The following RYR2 variants were observed in gnomAD, a reference collection of about 807,000 sequenced individuals.
RYR2 encodes the protein ryanodine receptor 2, also known as cardiac muscle ryanodine receptor-calcium release channel.
A neutral mutation model predicts 601.1 loss-of-function variants in RYR2; 227 were observed. The ratio of observed to expected loss-of-function variants is 0.38; its 90% CI spans 0.34 to 0.42. RYR2 has a LOEUF of 0.42. Ranked by LOEUF, RYR2 falls within the 10% of genes least tolerant of loss-of-function variation. RYR2 has a pLI of 1.00. For synonymous variants in RYR2, 2,223 were observed against 2,175.1 expected (o/e 1.02, Z -0.61); for missense variants, 4,646 against 6,156.5 (o/e 0.75, Z 8.21).
intron 16 of RYR2, among the ~76,000 whole-genome samples, chr1:237,459,211 T>C (rs1473911986): frequency 1.3e-5 from 2 of 152,216 alleles, no homozygotes; most frequent in Non-Finnish European, 2.9e-5. Flanking sequence ...ATAAGATGAA[T>C]TTCTTGGATA....
chr1:237,717,380 T>C lies in RYR2; in HGVS notation c.10494+12T>C. The C allele has an allele frequency of 6.3e-7, 1 of 1,589,738 alleles. No individual in the cohort carries two copies. Among genetic ancestry groups the C allele is most frequent in the Non-Finnish European group, 8.6e-7 (1 of 1,166,268 alleles). On this transcript the variant is annotated intron_variant, in intron 72 of 104. Coordinates refer to ENST00000366574, the MANE Select transcript of RYR2 (RefSeq NM_001035.3). Reference sequence around the variant, plus strand: ...ATCGATTTAGCCTGGTAAGTCTCCTTTTCATCCCAGCGGTAATGATCATCT... The same window carrying C: ...ATCGATTTAGCCTGGTAAGTCTCCTCTTCATCCCAGCGGTAATGATCATCT...
chr1:237,328,493 G>C (rs191410634), intron 2 of RYR2, among the ~76,000 whole-genome samples: 1 of 152,048 alleles, frequency 6.6e-6, no homozygotes, highest in South Asian at 2.1e-4. Flanking sequence ...AGATTTGAGA[G>C]GACTCTTTGC....
chr1:237,151,546 G>A (rs1016059152), intron 1 of RYR2, among the ~76,000 whole-genome samples: 1 of 152,232 alleles, frequency 6.6e-6, no homozygotes, highest in African/African-American at 2.4e-5. Context: ...AAAGATCTAA[G>A]TTAGGAGTTT....
chr1:237,511,368 C>T (rs1296018131), intron 23 of RYR2, among the ~76,000 whole-genome samples: 2 of 150,330 alleles, frequency 1.3e-5, no homozygotes, highest in Non-Finnish European at 3.0e-5. Context: ...CAGGGTAAAC[C>T]TCACTGAGAA....
At chr1:237,374,588 G>A in intron 6 of RYR2, 129 bp from the exon 7 acceptor site, 2 of 720,680 alleles carry the variant, frequency 2.8e-6, no homozygotes, top group African/African-American at 1.7e-5. Context: ...AGCCCAGGAG[G>A]TTGAGGCTGC....
At chr1:237,227,150 C>T (rs577700082) in intron 1 of RYR2, among the ~76,000 whole-genome samples, 11 of 152,040 alleles carry the variant, frequency 7.2e-5, no homozygotes, top group African/African-American at 2.7e-4. Context: ...TTTAGTTAGA[C>T]GGGAGGAATG....
intron 79 of RYR2, among the ~76,000 whole-genome samples, chr1:237,739,559 C>G (rs941544096): frequency 4.6e-5 from 7 of 152,204 alleles, no homozygotes. Context: ...GCTAAGGGAA[C>G]TCTTTCCTCC....
In RYR2 at chr1:237,659,981, T is replaced by C. The variant is rs371966353; in HGVS notation, c.8209-4T>C. ...ACAATTTTTAATGTTTGCCTTTTTT[T>C]AAGTTGGCAAATGGATGGATTTATG... On this transcript the variant is annotated splice_polypyrimidine_tract_variant and splice_region_variant and intron_variant, in intron 54 of 104. Coordinates refer to ENST00000366574, the MANE Select transcript of RYR2 (RefSeq NM_001035.3). 27 of 1,571,634 alleles carry C rather than the reference T, an allele frequency of 1.7e-5. No homozygotes were observed. Among genetic ancestry groups the C allele is most frequent in the Non-Finnish European group, 2.1e-5 (24 of 1,163,488 alleles).
chr1:237,565,614 G>T (rs1671984829), intron 27 of RYR2, among the ~76,000 whole-genome samples: 1 of 152,128 alleles, frequency 6.6e-6, no homozygotes, highest in South Asian at 2.1e-4. Flanking sequence ...GAAGAAGAGG[G>T]GCTATAACAT....
intron 2 of RYR2, among the ~76,000 whole-genome samples, chr1:237,274,067 TTTATA>T (rs1371445073): frequency 1.4e-5 from 2 of 147,088 alleles, no homozygotes; most frequent in African/African-American, 4.9e-5. Context: ...TAAATATACC[TTTATA>T]TTATATATAT....
intron 17 of RYR2, among the ~76,000 whole-genome samples, chr1:237,476,211 A>G (rs1343364197): frequency 6.6e-6 from 1 of 152,168 alleles, no homozygotes; most frequent in Admixed American, 6.6e-5. Flanking sequence ...GGTTTAAGCC[A>G]AAGAAGGAGT....
chr1:237,324,924 A>G (rs1289649426), intron 2 of RYR2, among the ~76,000 whole-genome samples: 2 of 152,246 alleles, frequency 1.3e-5, no homozygotes, highest in African/African-American at 2.4e-5. Context: ...GTGTTAACAA[A>G]ACAGCCCAAC....
chr1:237,087,746 T>G lies in RYR2; in HGVS notation c.48+45177T>G, dbSNP rs375367537. Among the ~76,000 whole-genome samples, 213 of 152,314 alleles carry G rather than the reference T, an allele frequency of 1.4e-3. 1 individual carries two copies. The highest frequency in any genetic ancestry group is 5.0e-3 in the African/African-American group (207 of 41,572). On this transcript the variant is annotated intron_variant, in intron 1 of 104. Transcript: ENST00000366574. ...TGTCTGGGTGGCCAGCCTGGGTTTC[T>G]CCTCCTACATTCCCCCCTCCACAGT...
At chr1:237,615,837 G>A (rs890400179) in intron 37 of RYR2, among the ~76,000 whole-genome samples, 1 of 152,208 alleles carries the variant, frequency 6.6e-6, no homozygotes, top group African/African-American at 2.4e-5. Flanking sequence ...CTGGATTACT[G>A]TTAGAAAGAT....
At chr1:237,218,946 G>A (rs1014400114) in intron 1 of RYR2, among the ~76,000 whole-genome samples, 3 of 151,542 alleles carry the variant, frequency 2.0e-5, no homozygotes, top group Admixed American at 6.6e-5. Flanking sequence ...AAGTCCAGAC[G>A]TGGAGCCAGT....
intron 5 of RYR2, among the ~76,000 whole-genome samples, chr1:237,367,703 C>T (rs1700315151): frequency 6.6e-6 from 1 of 152,140 alleles, no homozygotes; most frequent in Non-Finnish European, 1.5e-5. Flanking sequence ...TGGTCTTTCC[C>T]TGATCTAATT....
At position 237,395,533 on chromosome 1, in the gene RYR2, C is replaced by CTTTTTTTTTTTTTTTTTT. The variant is rs71180022; in HGVS notation, c.773+7364_773+7381dup. Among the ~76,000 whole-genome samples, 3 of 87,426 alleles carry CTTTTTTTTTTTTTTTTTT rather than the reference C, an allele frequency of 3.4e-5. 1 individual carries two copies. Among genetic ancestry groups the CTTTTTTTTTTTTTTTTTT allele is most frequent in the African/African-American group, 4.6e-5 (1 of 21,568 alleles). 57.4% of individuals were successfully genotyped at this position (87,426 alleles called of 152,430 possible). A position where few individuals can be genotyped will look rare whatever the true frequency, so the allele number is the denominator to read the frequency against. ...AGGACACGTCCGCTAGTAGGACTGTCTTTTTTTTTTTTTTTTTTTTTTTTT... is the reference window on the plus strand; with the variant it reads ...AGGACACGTCCGCTAGTAGGACTGTCTTTTTTTTTTTTTTTTTTTTTTTTTTTTTTTTTTTTTTTTTTT... On this transcript the variant is annotated intron_variant, in intron 10 of 104. Transcript: ENST00000366574.
At chr1:237,268,949 A>AAAAAAC (rs1558527586) in intron 1 of RYR2, among the ~76,000 whole-genome samples, 3 of 146,140 alleles carry the variant, frequency 2.1e-5, no homozygotes, top group Non-Finnish European at 4.6e-5. Flanking sequence ...AAAAAAAAAA[A>AAAAAAC]AAAAAAAAAA....
chr1:237,216,026 A>G (rs1572233269), intron 1 of RYR2, among the ~76,000 whole-genome samples: 1 of 152,320 alleles, frequency 6.6e-6, no homozygotes, highest in South Asian at 2.1e-4. Context: ...TTAAGTCAAT[A>G]TTTGCAACTT....
Sources: gnomAD v4.1 joint callset for allele counts (sites outside exome capture counted in the v4.1 genomes callset) on GRCh38, gnomAD v4.1.1 for gene constraint, MANE v1.5 for transcripts, NCBI Gene and HGNC (gene_info 2026-07-23, HGNC 2026-07-21) for gene names.